The following USP37 variants were observed in gnomAD, a reference collection of about 807,000 sequenced individuals.
USP37 encodes the protein ubiquitin specific peptidase 37.
A neutral mutation model predicts 124.0 loss-of-function variants in USP37; 27 were observed. The ratio of observed to expected loss-of-function variants is 0.22; its 90% CI spans 0.16 to 0.30. The LOEUF (loss-of-function observed/expected upper bound fraction) is 0.30. Among genes scored for constraint, USP37 ranks in the 10% least tolerant of loss-of-function variants. USP37 has a pLI of 1.00. For missense variants in USP37, 889 were observed against 1,140.4 expected (o/e 0.78, Z 3.17); for synonymous variants, 365 against 388.0 (o/e 0.94, Z 0.70).
chr2:218,455,528 A>T, intron 25 of USP37, 52 bp downstream of exon 25: 2 of 1,178,172 alleles, frequency 1.7e-6, no homozygotes, highest in Non-Finnish European at 2.3e-6. Context: ...AAAAAAAAAA[A>T]GAGTTCCGGT....
intron 17 of USP37, 137 bp from the exon 18 acceptor site, chr2:218,479,852 A>G (rs1018242640): frequency 4.4e-6 from 2 of 449,862 alleles, no homozygotes; most frequent in Non-Finnish European, 6.5e-6. Flanking sequence ...TACTTTTTAA[A>G]TTACTAGCAA....
chr2:218,489,131 G>A (rs1691761518), intron 14 of USP37, among the ~76,000 whole-genome samples: 1 of 151,600 alleles, frequency 6.6e-6, no homozygotes, highest in Non-Finnish European at 1.5e-5. Context: ...GCCAAGGTGG[G>A]TGGATTACCT....
intron 1 of USP37, among the ~76,000 whole-genome samples, chr2:218,565,163 T>C (rs767866402): frequency 1.2e-4 from 19 of 152,198 alleles, no homozygotes; most frequent in Non-Finnish European, 2.6e-4. Context: ...GCTCAAGCGA[T>C]CCGCCCACCT....
intron 14 of USP37, among the ~76,000 whole-genome samples, chr2:218,488,633 T>A (rs1691728825): frequency 6.6e-6 from 1 of 152,190 alleles, no homozygotes. Flanking sequence ...TTAAGTACTT[T>A]ACTTAAATCT....
intron 24 of USP37, among the ~76,000 whole-genome samples, chr2:218,456,084 G>A (rs1361281875): frequency 6.6e-6 from 1 of 151,822 alleles, no homozygotes; most frequent in Non-Finnish European, 1.5e-5. Flanking sequence ...TATCTCAGGT[G>A]CAGGAAGTTT....
At chr2:218,463,161 T>A in intron 22 of USP37, 145 bp downstream of exon 22, 1 of 832,702 alleles carries the variant, frequency 1.2e-6, no homozygotes, top group East Asian at 2.8e-5. Context: ...AGTGAGAGGC[T>A]CTCCCCCACA....
intron 9 of USP37, among the ~76,000 whole-genome samples, chr2:218,534,270 C>A (rs893383908): frequency 6.6e-6 from 1 of 152,200 alleles, no homozygotes; most frequent in East Asian, 1.9e-4. Context: ...AGGTGGATAA[C>A]TTGTGTTCAG....
chr2:218,478,654 G>T (rs1457988698), intron 18 of USP37, among the ~76,000 whole-genome samples: 1 of 152,106 alleles, frequency 6.6e-6, no homozygotes, highest in Non-Finnish European at 1.5e-5. Flanking sequence ...CAGTGACTTG[G>T]TACATAGAGT....
rs60749670 is a variant in USP37, at chr2:218,485,635, CAAAAAAAAAA to C, written c.1670+19_1670+28del. 6.3e-5 allele frequency: 82 copies of C among 1,298,496 alleles called. No individual in the cohort carries two copies. Among genetic ancestry groups the C allele is most frequent in the East Asian group, 2.9e-4 (11 of 37,976 alleles). 80.4% of individuals were successfully genotyped at this position (1,298,496 alleles called of 1,614,324 possible). A position where few individuals can be genotyped will look rare whatever the true frequency, so the allele number is the denominator to read the frequency against. On this transcript the variant is annotated intron_variant, in intron 16 of 25. Transcript: ENST00000258399. ...TACCTGGGAATTCTTTAGTCCATAG[CAAAAAAAAAA>C]AAAAAAAAAAAAAATTACCTAGGAA...
Position 218,549,791 on chromosome 2 carries a change from A to G in USP37, c.429+18T>C. On this transcript the variant is annotated intron_variant, in intron 6 of 25. Coordinates refer to ENST00000258399, the MANE Select transcript of USP37 (RefSeq NM_020935.3). ...CTATCATTTTTTTTAAATGCTAAAA[A>G]GATTCAAATGAACATACCTGATTGT... 6.2e-7 allele frequency: 1 copy of G among 1,606,204 alleles called. No individual in the cohort carries two copies. Among genetic ancestry groups the G allele is most frequent in the Non-Finnish European group, 8.5e-7 (1 of 1,175,716 alleles).
chr2:218,481,113 T>C (rs1691250039), intron 17 of USP37, among the ~76,000 whole-genome samples: 1 of 152,168 alleles, frequency 6.6e-6, no homozygotes, highest in Non-Finnish European at 1.5e-5. Flanking sequence ...AAGAATGACA[T>C]AACATATGGC....
intron 15 of USP37, among the ~76,000 whole-genome samples, chr2:218,487,953 G>T (rs1691667209): frequency 6.6e-6 from 1 of 151,384 alleles, no homozygotes; most frequent in South Asian, 2.1e-4. Context: ...GGAGGCCAAG[G>T]TGGGCAGATC....
intron 14 of USP37, among the ~76,000 whole-genome samples, chr2:218,492,810 G>A (rs534759013): frequency 6.6e-6 from 1 of 152,252 alleles, no homozygotes; most frequent in East Asian, 1.9e-4. Flanking sequence ...TTCAAGACTA[G>A]ACTGGGCAAC....
rs1443387617 is a variant in USP37, at chr2:218,453,721, T to A, written c.*1209A>T. On this transcript the variant is annotated 3_prime_UTR_variant, in exon 26 of 26. Transcript: ENST00000258399. The stretch of plus-strand genomic sequence containing the variant: ...GCACCTAAAAAGTAGATAAATAAAT[T>A]ATGCACCTTTGTTATTTGTTAGTTT... 2 of 152,222 alleles carry A rather than the reference T, an allele frequency of 1.3e-5. No individual in the cohort carries two copies. The highest frequency in any genetic ancestry group is 4.8e-5 in the African/African-American group (2 of 41,456). 9.4% of individuals were successfully genotyped at this position (152,222 alleles called of 1,614,324 possible).
chr2:218,567,715 C>G (rs1489794346), intron 1 of USP37, among the ~76,000 whole-genome samples: 2 of 152,150 alleles, frequency 1.3e-5, no homozygotes, highest in East Asian at 3.8e-4. Context: ...ATCTAACAAC[C>G]TGATCTGGCG....
At chr2:218,523,241 G>A (rs1302969222) in intron 10 of USP37, among the ~76,000 whole-genome samples, 1 of 152,056 alleles carries the variant, frequency 6.6e-6, no homozygotes, top group Non-Finnish European at 1.5e-5. Context: ...CTAGCCTGTG[G>A]GGCAAGAGCG....
intron 11 of USP37, among the ~76,000 whole-genome samples, chr2:218,501,823 C>T (rs970368660): frequency 5.9e-5 from 9 of 152,140 alleles, no homozygotes; most frequent in African/African-American, 2.2e-4. Context: ...TGGCTGAATA[C>T]CAACCTGTGT....
At chr2:218,562,536 A>C (rs533631112) in intron 2 of USP37, 137 bp downstream of exon 2, 3 of 391,252 alleles carry the variant, frequency 7.7e-6, no homozygotes, top group South Asian at 1.4e-4. Flanking sequence ...AAACATCCTT[A>C]ATCAGAGAGC....
chr2:218,532,235 A>G (rs1691368310), intron 9 of USP37, among the ~76,000 whole-genome samples: 2 of 152,122 alleles, frequency 1.3e-5, no homozygotes, highest in Admixed American at 6.5e-5. Flanking sequence ...TGAGATACTG[A>G]GGCAGGCGGA....
Sources: gnomAD v4.1 joint callset for allele counts (sites outside exome capture counted in the v4.1 genomes callset) on GRCh38, gnomAD v4.1.1 for gene constraint, MANE v1.5 for transcripts, NCBI Gene and HGNC (gene_info 2026-07-23, HGNC 2026-07-21) for gene names.